Variants in BRWD3 observed in about 807,000 individuals in gnomAD.
BRWD3 encodes bromodomain and WD repeat domain containing 3.
A neutral mutation model predicts 149.7 loss-of-function variants in BRWD3; 10 were observed. The ratio of observed to expected loss-of-function variants is 0.07; its 90% CI spans 0.04 to 0.11. The LOEUF (loss-of-function observed/expected upper bound fraction) is 0.11. BRWD3 is among the 10% of genes least tolerant of loss of function. The pLI is 1.00. For synonymous variants in BRWD3, 504 were observed against 456.7 expected (o/e 1.10, Z -1.32); for missense variants, 940 against 1,373.2 (o/e 0.68, Z 4.99).
At chrX:80,795,930 AAAG>A (rs2074234659) in intron 4 of BRWD3, among the ~76,000 whole-genome samples, 1 of 109,640 alleles carries the variant, frequency 9.1e-6, no homozygotes, top group Admixed American at 9.8e-5. Flanking sequence ...CTCCAAAAAC[AAAG>A]AACAACAATA....
chrX:80,724,003 T>C, intron 15 of BRWD3, 127 bp from the exon 16 acceptor site: 7 of 788,867 alleles, frequency 8.9e-6, no homozygotes, highest in South Asian at 2.3e-5. Flanking sequence ...CTCTCTGGCT[T>C]CTGCAGCCAG....
intron 6 of BRWD3, among the ~76,000 whole-genome samples, chrX:80,789,353 GGAAA>G (rs1354457049): frequency 8.9e-6 from 1 of 112,134 alleles, no homozygotes; most frequent in Non-Finnish European, 1.9e-5. Context: ...TAGATATTCT[GGAAA>G]GAGTTTCCAT....
chrX:80,684,251 C>A, intron 36 of BRWD3, 89 bp from the exon 37 acceptor site: 1 of 836,570 alleles, frequency 1.2e-6, no homozygotes, highest in Non-Finnish European at 1.7e-6. Flanking sequence ...TACGATCCAC[C>A]ATGAAATAAA....
chrX:80,800,923 C>A (rs1456856730), intron 4 of BRWD3, among the ~76,000 whole-genome samples: 1 of 110,099 alleles, frequency 9.1e-6, no homozygotes, highest in African/African-American at 3.3e-5. Context: ...AGCGACCCTC[C>A]TAGGGTCAAG....
In BRWD3 at chrX:80,734,213, T is replaced by G. The variant is rs765942717; in HGVS notation, c.991A>C (p.Met331Leu). The G allele has an allele frequency of 8.7e-7, 1 of 1,155,883 alleles. No homozygotes were observed. The highest frequency in any genetic ancestry group is 3.0e-5 in the East Asian group (1 of 33,513). The change falls in exon 11 of 41, where the codon ATG (methionine) becomes CTG (leucine). Residue 331 changes from methionine to leucine, a missense_variant. Transcript: ENST00000373275. The part of the protein sequence containing the change: ...ISCSSFSSGG[M>L]FITTGSTDHV... ...TCAGTACTACCAGTTGTAATGAACA[T>G]ACCACCTAGAAGATTAAAAAACAAA...
At position 80,809,626 on chromosome X, in the gene BRWD3, C is replaced by T; in HGVS notation, c.-155G>A. ...GTTTCGCTCTCTCTCGAATTCATCGCATCACGTTTCGACCCATAGATATTC... is the reference window on the plus strand; with the variant it reads ...GTTTCGCTCTCTCTCGAATTCATCGTATCACGTTTCGACCCATAGATATTC... On this transcript the variant is annotated 5_prime_UTR_variant, in exon 1 of 41. The change abolishes an upstream ATG in the 5' untranslated region. Transcript: ENST00000373275. The T allele has an allele frequency of 2.2e-6, 1 of 452,017 alleles. No homozygotes were observed. 37.3% of individuals were successfully genotyped at this position (452,017 alleles called of 1,213,427 possible).
At chrX:80,777,730 C>T (rs2074013927) in intron 6 of BRWD3, among the ~76,000 whole-genome samples, 1 of 111,456 alleles carries the variant, frequency 9.0e-6, no homozygotes. Flanking sequence ...AATAACATAA[C>T]TCTTGGGCAA....
chrX:80,690,118 G>C, intron 31 of BRWD3, 26 bp from the exon 32 acceptor site: 1 of 1,192,580 alleles, frequency 8.4e-7, no homozygotes, highest in Non-Finnish European at 1.1e-6. Context: ...TACTCTGTTA[G>C]CCTTGGCTAA....
intron 18 of BRWD3, among the ~76,000 whole-genome samples, chrX:80,718,793 C>T (rs1327760311): frequency 2.7e-5 from 3 of 111,136 alleles, no homozygotes; most frequent in Non-Finnish European, 5.7e-5. Flanking sequence ...AGAAATAAAT[C>T]TGAAAAATCT....
chrX:80,715,780 C>A (rs2073066991), intron 20 of BRWD3, among the ~76,000 whole-genome samples: 1 of 111,972 alleles, frequency 8.9e-6, no homozygotes, highest in African/African-American at 3.2e-5. Context: ...AAATAGGTAG[C>A]AGAACTGATT....
At chrX:80,787,415 T>A (rs2074120046) in intron 6 of BRWD3, among the ~76,000 whole-genome samples, 2 of 111,162 alleles carry the variant, frequency 1.8e-5, no homozygotes, top group Admixed American at 1.9e-4. Flanking sequence ...AAAACAATTT[T>A]TTGAAAATGA....
At chrX:80,734,067 G>C (rs779770203) in intron 11 of BRWD3, 51 bp downstream of exon 11, 2 of 863,043 alleles carry the variant, frequency 2.3e-6, no homozygotes. Flanking sequence ...AATGAAATAA[G>C]CTTTCCAAGG....
At chrX:80,767,929 G>A (rs1569280003) in intron 6 of BRWD3, among the ~76,000 whole-genome samples, 2 of 111,877 alleles carry the variant, frequency 1.8e-5, no homozygotes, top group Non-Finnish European at 3.8e-5. Context: ...ACTACGTGAC[G>A]CATGCAGAAG....
chrX:80,740,845 T>G (rs775761379), intron 8 of BRWD3, among the ~76,000 whole-genome samples: 1 of 112,402 alleles, frequency 8.9e-6, no homozygotes, highest in South Asian at 3.7e-4. Flanking sequence ...TAACTCTGAC[T>G]GGCAAACATC....
At chrX:80,745,353 T>G (rs1029363584) in intron 7 of BRWD3, among the ~76,000 whole-genome samples, 1 of 111,906 alleles carries the variant, frequency 8.9e-6, no homozygotes, top group African/African-American at 3.2e-5. Flanking sequence ...AAGATTTAAC[T>G]TTTTAAAATT....
chrX:80,749,250 T>C (rs1247259541), intron 6 of BRWD3, among the ~76,000 whole-genome samples: 2 of 111,676 alleles, frequency 1.8e-5, no homozygotes, highest in Non-Finnish European at 3.8e-5. Flanking sequence ...ACATAATCTG[T>C]CCGATGTTGA....
At chrX:80,713,280 C>T (rs1426242850) in intron 20 of BRWD3, among the ~76,000 whole-genome samples, 5 of 111,668 alleles carry the variant, frequency 4.5e-5, no homozygotes, top group East Asian at 5.6e-4. Flanking sequence ...ATTGAGAAAT[C>T]GGATGGTTGC....
chrX:80,767,276 A>G (rs62605606), intron 6 of BRWD3, among the ~76,000 whole-genome samples: 17,723 of 111,242 alleles, frequency 0.16, 1,063 homozygotes, highest in South Asian at 0.42. Flanking sequence ...TGTGTAGCCT[A>G]ACTGGGAGAC....
intron 5 of BRWD3, among the ~76,000 whole-genome samples, 174 bp downstream of exon 5, chrX:80,793,448 G>A (rs1440098056): frequency 9.0e-6 from 1 of 110,514 alleles, no homozygotes; most frequent in East Asian, 2.8e-4. Flanking sequence ...TACACAAAAG[G>A]ACTCCTTTTT....
Sources: allele counts gnomAD v4.1 joint callset (sites outside exome capture counted in the v4.1 genomes callset), GRCh38; gene constraint gnomAD v4.1.1; transcripts MANE v1.5; gene names NCBI Gene and HGNC (gene_info 2026-07-23, HGNC 2026-07-21).